ASAH1: variants seen among roughly 807,000 people sequenced by gnomAD.
ASAH1 encodes acid ceramidase.
ASAH1 carries 70 observed loss-of-function variants against 59.5 expected under a neutral mutation model. That is an observed-to-expected ratio of 1.18 (90% CI 0.97 to 1.43). ASAH1 has a LOEUF of 1.43. Ranked by LOEUF, ASAH1 falls within the 40% of genes most tolerant of loss-of-function variation. The probability of loss-of-function intolerance (pLI) is 0.00; values close to 1 mark genes in which losing one functional copy is unlikely to be tolerated. For missense variants in ASAH1, 660 were observed against 482.5 expected (o/e 1.37, Z -3.45); for synonymous variants, 213 against 166.5 (o/e 1.28, Z -2.15).
chr8:18,066,996 T>C (rs1331612678), intron 5 of ASAH1: 2 of 368,322 alleles, frequency 5.4e-6, no homozygotes, highest in Non-Finnish European at 1.0e-5. Context: ...AGGGGCATGA[T>C]GGAGCATCGT....
rs151320126 is a variant in ASAH1, at chr8:18,062,335, C to G, written c.592G>C (p.Val198Leu). ...NLDFQRNNKT[V>L]FKASSFAGYV... ...CCAGCAAAGCTTGAAGCCTTGAAGA[C>G]AGTTTTGTTGTTTCTTTGGAAATCC... Residue 198 changes from valine to leucine, a missense_variant, in exon 8 of 14, where the codon GTC (valine) becomes CTC (leucine). Physicochemically the swap from Val to Leu is conservative, Grantham distance 32 (BLOSUM62 1). Coordinates refer to ENST00000637790, the MANE Select transcript of ASAH1 (RefSeq NM_177924.5). 24 of 1,614,056 alleles carry G rather than the reference C, an allele frequency of 1.5e-5. No homozygotes were observed. The South Asian group carries it at 1.9e-4, about 13-fold the overall frequency.
intron 1 of ASAH1, among the ~76,000 whole-genome samples, chr8:18,078,798 A>ATGGTATAC (rs762990784): frequency 7.9e-5 from 12 of 152,158 alleles, no homozygotes; most frequent in Non-Finnish European, 1.6e-4. Flanking sequence ...TGTGGTCTGG[A>ATGGTATAC]TGGTATACTA....
At chr8:18,059,525 G>A (rs201442214) in intron 11 of ASAH1, 47 bp downstream of exon 11, 13 of 1,614,104 alleles carry the variant, frequency 8.1e-6, no homozygotes, top group African/African-American at 4.0e-5. Flanking sequence ...AAGTATATCA[G>A]TGTATGCTTT....
chr8:18,067,408 C>A, intron 4 of ASAH1, 110 bp from the exon 5 acceptor site: 1 of 684,348 alleles, frequency 1.5e-6, no homozygotes, highest in East Asian at 4.7e-5. Flanking sequence ...AGTTCTTGGA[C>A]ATATAATTTT....
chr8:18,084,130 C>T (rs1326096224), upstream of ASAH1: 1 of 1,581,262 alleles, frequency 6.3e-7, no homozygotes, highest in Non-Finnish European at 8.5e-7. Flanking sequence ...CGGGGGCAGG[C>T]CACGCCCCCT....
At position 18,065,552 on chromosome 8, in the gene ASAH1, G is replaced by A. The variant is rs972157028; in HGVS notation, c.383-1021C>T. ...TGGGGTCGTGGGGAAAATATTTTTCGTTACATGCCATAAAGCTTAAATTGA... is the reference window on the plus strand; with the variant it reads ...TGGGGTCGTGGGGAAAATATTTTTCATTACATGCCATAAAGCTTAAATTGA... On this transcript the variant is annotated intron_variant, in intron 5 of 13. Coordinates refer to ENST00000637790, the MANE Select transcript of ASAH1 (RefSeq NM_177924.5). The A allele has an allele frequency of 1.1e-4, 16 of 151,914 alleles. 1 individual carries two copies. Among genetic ancestry groups the A allele is most frequent in the South Asian group, 2.1e-4 (1 of 4,824 alleles). The allele number at this position is 151,914 out of a possible 1,614,324, so 9.4% of individuals were successfully genotyped here.
chr8:18,071,305 G>C lies in ASAH1; in HGVS notation c.211C>G (p.Pro71Ala), dbSNP rs139826635. 3.0e-5 allele frequency: 47 copies of C among 1,571,510 alleles called. No homozygotes were observed. In the African/African-American group the frequency reaches 6.2e-4, roughly 21 times the overall value. ...RWHELMLDKAPVLKVIVNSLK... is the reference protein window; with the variant it reads ...RWHELMLDKAAVLKVIVNSLK... Reference sequence around the variant, plus strand: ...ATTTAAGCATCATAGCATACCACTGGTGCCTTGTCAAGCATCAATTCATGC... The same window carrying C: ...ATTTAAGCATCATAGCATACCACTGCTGCCTTGTCAAGCATCAATTCATGC... Residue 71 changes from proline to alanine, a missense_variant, in exon 3 of 14, where the codon CCA (proline) becomes GCA (alanine). Coordinates refer to ENST00000637790, the MANE Select transcript of ASAH1 (RefSeq NM_177924.5).
At position 18,057,600 on chromosome 8, in the gene ASAH1, T is replaced by C; in HGVS notation, c.1122A>G (p.Ile374Met). 6.2e-7 allele frequency: 1 copy of C among 1,603,672 alleles called. No individual in the cohort carries two copies. The highest frequency in any genetic ancestry group is 2.3e-5 in the East Asian group (1 of 44,198). ...TTTCGAATTGACCTTTGGTAACATC[T>C]ATCAAGGTTGTGTATACGGTCAGCT... ...LNKLTVYTTL[I>M]DVTKGQFETY... The change falls in exon 14 of 14, where the codon ATA (isoleucine) becomes ATG (methionine). Residue 374 changes from isoleucine to methionine, a missense_variant. Physicochemically the swap from Ile to Met is conservative, Grantham distance 10 (BLOSUM62 1). Coordinates refer to ENST00000637790, the MANE Select transcript of ASAH1 (RefSeq NM_177924.5).
intron 1 of ASAH1, chr8:18,076,788 G>T: frequency 6.6e-6 from 1 of 152,164 alleles, no homozygotes; most frequent in East Asian, 1.9e-4. Context: ...CTGCTGGACA[G>T]CTGTGTAAGA....
In ASAH1 at chr8:18,062,307, T is replaced by G; in HGVS notation, c.620A>C (p.Tyr207Ser). Residue 207 changes from tyrosine to serine, a missense_variant, in exon 8 of 14, where the codon TAT becomes TCT. Coordinates refer to ENST00000637790, the MANE Select transcript of ASAH1 (RefSeq NM_177924.5). The stretch of plus-strand genomic sequence containing the variant: ...TTTGAATCCTGTTAACATGCCCACA[T>G]AGCCAGCAAAGCTTGAAGCCTTGAA... The part of the protein sequence containing the change: ...TVFKASSFAG[Y>S]VGMLTGFKPG... 2 of 1,614,226 alleles carry G rather than the reference T, an allele frequency of 1.2e-6. No individual in the cohort carries two copies. Among genetic ancestry groups the G allele is most frequent in the Non-Finnish European group, 1.7e-6 (2 of 1,180,028 alleles).
chr8:18,069,184 T>C (rs375613643), intron 4 of ASAH1, among the ~76,000 whole-genome samples: 8 of 150,422 alleles, frequency 5.3e-5, no homozygotes, highest in African/African-American at 1.9e-4. Context: ...CAAATGTCAT[T>C]AATGCCCAAA....
chr8:18,072,104 G>A (rs951283957), intron 2 of ASAH1, among the ~76,000 whole-genome samples: 1 of 152,204 alleles, frequency 6.6e-6, no homozygotes. Context: ...TCTGGTGGAT[G>A]AATTCTACAA....
intron 4 of ASAH1, chr8:18,068,226 C>T (rs1047203382): frequency 2.6e-5 from 4 of 152,106 alleles, no homozygotes; most frequent in African/African-American, 9.7e-5. Flanking sequence ...AAGAAACTTT[C>T]CCTAGGACAC....
At position 18,061,360 on chromosome 8, in the gene ASAH1, G is replaced by T; in HGVS notation, c.785+17C>A. The T allele has an allele frequency of 1.3e-6, 2 of 1,589,344 alleles. No individual in the cohort carries two copies. Among genetic ancestry groups the T allele is most frequent in the Non-Finnish European group, 1.7e-6 (2 of 1,158,160 alleles). On this transcript the variant is annotated intron_variant, in intron 10 of 13. Transcript: ENST00000637790. ...TTTAAAATAAATATTTAATAGTAAA[G>T]CAACGAAACACTTTACCTTGTGCTA... is the stretch of plus-strand genomic sequence containing the variant.
At chr8:18,058,924 G>T (rs1479111469) in intron 12 of ASAH1, 33 bp from the exon 13 acceptor site, 4 of 1,578,070 alleles carry the variant, frequency 2.5e-6, no homozygotes, top group Non-Finnish European at 3.5e-6. Context: ...TGTTCAGTAA[G>T]TTAAATACAG....
Position 18,057,410 on chromosome 8 carries a change from A to T in ASAH1, c.*124T>A, listed in dbSNP as rs417661. ...GTCAACAGATGGACGAAGACAAGCTATTGACTCAAAGAGAACCTGCCGCGA... is the reference window on the plus strand; with the variant it reads ...GTCAACAGATGGACGAAGACAAGCTTTTGACTCAAAGAGAACCTGCCGCGA... On this transcript the variant is annotated 3_prime_UTR_variant, in exon 14 of 14. Transcript: ENST00000637790. The T allele has an allele frequency of 0.17, 108,832 of 657,682 alleles. 18,152 individuals carry two copies. The highest frequency in any genetic ancestry group is 0.61 in the African/African-American group (33,555 of 55,378). The allele number at this position is 657,682 out of a possible 1,614,324, so 40.7% of individuals were successfully genotyped here. A position where few individuals can be genotyped will look rare whatever the true frequency, so the allele number is the denominator to read the frequency against.
intron 8 of ASAH1, 126 bp from the exon 9 acceptor site, chr8:18,061,866 C>G: frequency 6.6e-6 from 6 of 908,322 alleles, no homozygotes; most frequent in Non-Finnish European, 1.1e-5. Flanking sequence ...AAAAATAAAT[C>G]AAAACCATAA....
rs759821835 is a variant in ASAH1, at chr8:18,061,416, A to G, written c.746T>C (p.Ile249Thr). The change falls in exon 10 of 14, where the codon ATA (isoleucine) becomes ACA (threonine). Residue 249 changes from isoleucine to threonine, a missense_variant. Transcript: ENST00000637790. ...WILGKKDVMW[I>T]GFLTRTVLEN... ...CAGAACTGTTCTAGTGAGGAACCCT[A>G]TCCACATGACATCTTTCTTTCCCAG... 5.0e-6 allele frequency: 8 copies of G among 1,613,046 alleles called. No individual in the cohort carries two copies. The South Asian group carries it at 5.5e-5, about 11-fold the overall frequency.
chr8:18,059,680 A>C lies in ASAH1; in HGVS notation c.809T>G (p.Leu270Trp). ...TGGGGCCAATATCTTGGTCTTGGTC[A>C]ATAAATTCTTGGCTTCTTCATAACT... ...STSYEEAKNL[L>W]TKTKILAPAY... The change falls in exon 11 of 14, where the codon TTG becomes TGG. Residue 270 changes from leucine to tryptophan, a missense_variant. Transcript: ENST00000637790. 1 of 1,614,208 alleles carries C rather than the reference A, an allele frequency of 6.2e-7. No homozygotes were observed. The highest frequency in any genetic ancestry group is 8.5e-7 in the Non-Finnish European group (1 of 1,180,010).
Sources: allele counts gnomAD v4.1 joint callset (sites outside exome capture counted in the v4.1 genomes callset), GRCh38; gene constraint gnomAD v4.1.1; transcripts MANE v1.5; gene names NCBI Gene and HGNC (gene_info 2026-07-23, HGNC 2026-07-21).